SIDT1: variants seen among roughly 807,000 people sequenced by gnomAD.
SIDT1 encodes SID1 transmembrane family member 1, also known as SID1 transmembrane family, member 1.
In SIDT1, 101 loss-of-function variants were observed where a neutral mutation model predicts 107.5. The observed-to-expected ratio is 0.94, with a 90% CI of 0.80 to 1.11. The LOEUF (loss-of-function observed/expected upper bound fraction) is 1.11, where lower values mean the gene tolerates loss of function less well. Among genes scored for constraint, SIDT1 ranks in the 50% least tolerant of loss-of-function variants. SIDT1 has a pLI of 0.00. For missense variants in SIDT1, 1,076 were observed against 1,058.2 expected, an observed-to-expected ratio of 1.02 and a Z score of -0.23; for synonymous variants, 395 against 398.2, an observed-to-expected ratio of 0.99 and a Z score of 0.10.
intron 2 of SIDT1, among the ~76,000 whole-genome samples, chr3:113,566,860 AAGTG>A (rs1024542946): frequency 1.4e-4 from 22 of 152,272 alleles, no homozygotes; most frequent in African/African-American, 5.1e-4. Context: ...CAGTTAACAT[AAGTG>A]AGTAACTCTT....
chr3:113,581,326 G>C, intron 5 of SIDT1, 35 bp from the exon 6 acceptor site: 1 of 1,541,806 alleles, frequency 6.5e-7, no homozygotes, highest in Non-Finnish European at 9.0e-7. Flanking sequence ...TGACATTATG[G>C]ATGCTTTCCA....
At chr3:113,636,558 C>G in the SIDT1 span, among the ~76,000 whole-genome samples, 1 of 152,322 alleles carries the variant, frequency 6.6e-6, no homozygotes, top group African/African-American at 2.4e-5. Context: ...CAGGCTGAAG[C>G]CTTTTTCCAA....
In SIDT1 at chr3:113,628,160, C is replaced by G. The variant is rs1347762503; in HGVS notation, c.*452C>G. ...TGGCCCCCTTCACACCTCTGCAACACCTGCTGCTCCAGCAAGAGGATGTGA... is the reference window on the plus strand; with the variant it reads ...TGGCCCCCTTCACACCTCTGCAACAGCTGCTGCTCCAGCAAGAGGATGTGA... On this transcript the variant is annotated 3_prime_UTR_variant, in exon 25 of 25. Transcript: ENST00000264852. 1 of 159,108 alleles carries G rather than the reference C, an allele frequency of 6.3e-6. No homozygotes were observed. The highest frequency in any genetic ancestry group is 6.4e-5 in the Admixed American group (1 of 15,730). 9.9% of individuals were successfully genotyped at this position (159,108 alleles called of 1,614,324 possible).
In SIDT1 at chr3:113,613,539, A is replaced by G. The variant is rs144076652; in HGVS notation, c.1966+1345A>G. 9.2e-5 allele frequency among the ~76,000 whole-genome samples: 14 copies of G among 152,340 alleles called. No homozygotes were observed. The East Asian group carries it at 1.7e-3, about 19-fold the overall frequency. On this transcript the variant is annotated intron_variant, in intron 19 of 24. Transcript: ENST00000264852. ...TTAATTCTTTTGCCATGGTCAGTAG[A>G]TTTACCTTTGGCATGAACATAGCCA...
intron 10 of SIDT1, among the ~76,000 whole-genome samples, chr3:113,599,347 A>C (rs933494653): frequency 6.6e-6 from 1 of 152,220 alleles, no homozygotes; most frequent in African/African-American, 2.4e-5. Flanking sequence ...AAAAAGCAAA[A>C]GCTGTGCTTT....
chr3:113,563,460 G>A (rs972163799), intron 1 of SIDT1, among the ~76,000 whole-genome samples: 1 of 152,180 alleles, frequency 6.6e-6, no homozygotes, highest in African/African-American at 2.4e-5. Flanking sequence ...GAAAAAGATT[G>A]AGAAATTTGA....
At chr3:113,542,495 A>G (rs2107603605) in intron 1 of SIDT1, among the ~76,000 whole-genome samples, 1 of 152,192 alleles carries the variant, frequency 6.6e-6, no homozygotes, top group African/African-American at 2.4e-5. Context: ...AGACATTATC[A>G]CGATATTTAT....
chr3:113,601,877 C>T (rs1174653447), intron 11 of SIDT1: 1 of 471,036 alleles, frequency 2.1e-6, no homozygotes, highest in Non-Finnish European at 3.8e-6. Context: ...TCTGCTAGCC[C>T]CACTTGGGCA....
intron 10 of SIDT1, among the ~76,000 whole-genome samples, chr3:113,597,364 G>A (rs1944637939): frequency 6.6e-6 from 1 of 151,908 alleles, no homozygotes; most frequent in Admixed American, 6.6e-5. Context: ...GCACATGGTG[G>A]CATGTACCTG....
chr3:113,620,670 T>A (rs902973137), intron 21 of SIDT1, among the ~76,000 whole-genome samples: 1 of 152,112 alleles, frequency 6.6e-6, no homozygotes, highest in South Asian at 2.1e-4. Context: ...CAGGATAAGA[T>A]GTATACCATT....
At chr3:113,596,708 T>C (rs150438633) in intron 10 of SIDT1, among the ~76,000 whole-genome samples, 1 of 152,308 alleles carries the variant, frequency 6.6e-6, no homozygotes, top group East Asian at 1.9e-4. Context: ...TTTCACATCA[T>C]TGTTAAAGAG....
chr3:113,532,898 C>A lies in SIDT1; in HGVS notation c.-124C>A, dbSNP rs1310514482. On this transcript the variant is annotated 5_prime_UTR_variant, in exon 1 of 25. Transcript: ENST00000264852. ...GCCAGCCCTGGCCGGCTGGGTTCGC[C>A]AGGCATCACCCGCTCGGCTCTGAAG... 13 of 624,744 alleles carry A rather than the reference C, an allele frequency of 2.1e-5. No individual in the cohort carries two copies. The Admixed American group carries it at 4.9e-4, about 23-fold the overall frequency. 38.7% of individuals were successfully genotyped at this position (624,744 alleles called of 1,614,324 possible).
chr3:113,590,075 T>C (rs6797630), intron 9 of SIDT1: 3 of 152,346 alleles, frequency 2.0e-5, no homozygotes, highest in Admixed American at 6.6e-5. Context: ...AACGATTGCA[T>C]TGGAGAAGCT....
intron 19 of SIDT1, among the ~76,000 whole-genome samples, chr3:113,615,652 A>G (rs1560132211): frequency 6.6e-6 from 1 of 152,338 alleles, no homozygotes; most frequent in Middle Eastern, 3.4e-3. Flanking sequence ...CTAACTTATA[A>G]CCGCATTGAG....
intron 1 of SIDT1, among the ~76,000 whole-genome samples, chr3:113,555,281 A>G (rs1940719791): frequency 6.6e-6 from 1 of 152,280 alleles, no homozygotes; most frequent in South Asian, 2.1e-4. Context: ...ATGTCATGCA[A>G]TCCCACAGGA....
chr3:113,602,338 A>G (rs1945016264), intron 11 of SIDT1: 1 of 152,274 alleles, frequency 6.6e-6, no homozygotes, highest in South Asian at 2.1e-4. Context: ...AACTTTGAGA[A>G]GCATGTGGGC....
At chr3:113,621,641 G>T (rs1946471550) in intron 21 of SIDT1, among the ~76,000 whole-genome samples, 1 of 152,158 alleles carries the variant, frequency 6.6e-6, no homozygotes, top group Non-Finnish European at 1.5e-5. Flanking sequence ...GTCCTGGATG[G>T]AAAGATTAAC....
chr3:113,612,390 C>T (rs1305157146), intron 19 of SIDT1, 196 bp downstream of exon 19: 1 of 644,652 alleles, frequency 1.6e-6, no homozygotes, highest in Non-Finnish European at 2.9e-6. Context: ...GCTATTACCC[C>T]TAGTTCTATT....
chr3:113,576,642 GTAAA>G (rs1195457910), intron 3 of SIDT1, among the ~76,000 whole-genome samples: 1 of 152,096 alleles, frequency 6.6e-6, no homozygotes, highest in African/African-American at 2.4e-5. Flanking sequence ...GGCTACAAAA[GTAAA>G]TAAACTACCT....
Sources: gnomAD v4.1 joint callset for allele counts (sites outside exome capture counted in the v4.1 genomes callset) on GRCh38, gnomAD v4.1.1 for gene constraint, MANE v1.5 for transcripts, NCBI Gene and HGNC (gene_info 2026-07-23, HGNC 2026-07-21) for gene names.